TPR: variants seen among roughly 807,000 people sequenced by gnomAD.
The protein encoded by TPR is translocated promoter region, nuclear basket protein.
TPR carries 51 observed loss-of-function variants against 316.1 expected under a neutral mutation model. The ratio of observed to expected loss-of-function variants is 0.16; its 90% CI spans 0.13 to 0.20. The LOEUF (loss-of-function observed/expected upper bound fraction) is 0.20, where lower values mean the gene tolerates loss of function less well. Ranked by LOEUF, TPR falls within the 10% of genes least tolerant of loss-of-function variation. The pLI, the probability that TPR is intolerant of heterozygous loss-of-function variation, is 1.00. For missense variants in TPR, 2,272 were observed against 2,754.8 expected (o/e 0.82, Z 3.92); for synonymous variants, 981 against 914.7 (o/e 1.07, Z -1.31).
intron 39 of TPR, among the ~76,000 whole-genome samples, chr1:186,330,374 T>G (rs936109744): frequency 7.2e-5 from 11 of 152,138 alleles, no homozygotes; most frequent in Admixed American, 7.2e-4. Flanking sequence ...GGCAAGGAAC[T>G]GCAGACACCT....
intron 1 of TPR, among the ~76,000 whole-genome samples, chr1:186,374,187 A>G (rs1659619471): frequency 6.6e-6 from 1 of 152,168 alleles, no homozygotes; most frequent in Admixed American, 6.5e-5. Context: ...GGAAGTTTGT[A>G]TTTTACTAAT....
chr1:186,357,271 C>T (rs925651776), intron 14 of TPR, 126 bp downstream of exon 14: 43 of 883,622 alleles, frequency 4.9e-5, no homozygotes, highest in Admixed American at 1.9e-4. Context: ...TGGTCTCGAC[C>T]TCCTGGGCTC....
intron 49 of TPR, 143 bp from the exon 50 acceptor site, chr1:186,314,867 G>A: frequency 1.9e-6 from 1 of 516,048 alleles, no homozygotes; most frequent in South Asian, 2.9e-5. Flanking sequence ...AAACAATGAG[G>A]AACATTTAAC....
At chr1:186,371,098 G>A (rs1354783995) in intron 2 of TPR, 55 bp from the exon 3 acceptor site, 1 of 1,349,040 alleles carries the variant, frequency 7.4e-7, no homozygotes, top group Non-Finnish European at 1.1e-6. Flanking sequence ...CTTGCAATGA[G>A]TGTTTTTATG....
At chr1:186,347,998 T>C (rs1199876496) in intron 21 of TPR, among the ~76,000 whole-genome samples, 5 of 152,180 alleles carry the variant, frequency 3.3e-5, no homozygotes, top group Non-Finnish European at 7.3e-5. Context: ...TACAAATTGG[T>C]TGTAAAACAT....
At chr1:186,320,276 T>C in intron 46 of TPR, 36 bp downstream of exon 46, 2 of 1,548,256 alleles carry the variant, frequency 1.3e-6, no homozygotes, top group African/African-American at 2.7e-5. Flanking sequence ...ACCAAATACA[T>C]ACAAATTCAG....
intron 50 of TPR, chr1:186,314,266 T>G: frequency 2.2e-6 from 1 of 459,564 alleles, no homozygotes; most frequent in Non-Finnish European, 3.8e-6. Context: ...TTTTACTAGC[T>G]AAAACATAAT....
chr1:186,322,472 T>C lies in TPR; in HGVS notation c.6366+46A>G, dbSNP rs747128116. On this transcript the variant is annotated intron_variant, in intron 44 of 50. Coordinates refer to ENST00000367478, the MANE Select transcript of TPR (RefSeq NM_003292.3). ...ACCACACATATGGACTATATAAATATCTGCTCAAGAAATGAATTACTTTTA... is the reference window on the plus strand; with the variant it reads ...ACCACACATATGGACTATATAAATACCTGCTCAAGAAATGAATTACTTTTA... The C allele has an allele frequency of 3.7e-6, 6 of 1,613,012 alleles. No individual in the cohort carries two copies. The South Asian group carries it at 6.6e-5, about 18-fold the overall frequency.
intron 39 of TPR, 97 bp from the exon 40 acceptor site, chr1:186,327,757 G>T: frequency 9.7e-7 from 1 of 1,029,656 alleles, no homozygotes; most frequent in Non-Finnish European, 1.4e-6. Context: ...AAAGAATAAT[G>T]AGTACTTATG....
chr1:186,336,118 C>T (rs1033636682), intron 33 of TPR, among the ~76,000 whole-genome samples: 7 of 152,018 alleles, frequency 4.6e-5, no homozygotes, highest in East Asian at 1.9e-4. Flanking sequence ...CTCCACCAAA[C>T]GAGGCACAAA....
In TPR at chr1:186,326,107, A is replaced by G. The variant is rs1237165441; in HGVS notation, c.6018T>C (p.Ala2006=). The G allele has an allele frequency of 1.2e-6, 2 of 1,613,654 alleles. No individual in the cohort carries two copies. Among genetic ancestry groups the G allele is most frequent in the East Asian group, 2.2e-5 (1 of 44,872 alleles). ...DGNDGYEADD[A]EGGDGTDPGT... is the part of the protein sequence containing the mutation. ...GGTTAAAATTCTAGCCAGTTACCTC[A>G]GCATCATCAGCTTCATAACCATCAT... Residue 2006 remains alanine (A), a synonymous_variant, in exon 41 of 51, where the codon GCT becomes GCC. Transcript: ENST00000367478.
chr1:186,337,023 T>C lies in TPR; in HGVS notation c.4496A>G (p.Asn1499Ser). 2 of 1,613,820 alleles carry C rather than the reference T, an allele frequency of 1.2e-6. No homozygotes were observed. Among genetic ancestry groups the C allele is most frequent in the Non-Finnish European group, 1.7e-6 (2 of 1,179,762 alleles). The change falls in exon 32 of 51, where the codon AAT becomes AGT. Residue 1499 changes from asparagine to serine, a missense_variant. By Grantham distance (46) the Asn-to-Ser change is conservative (BLOSUM62 1). This residue lies in a region of TPR where 101 missense variants were observed against 113.0 expected (regional missense o/e 0.89). Transcript: ENST00000367478. The stretch of plus-strand genomic sequence containing the variant: ...TTCTCACACTCATACCTTCTGCAGA[T>C]TCTCTACTTGACTTTCAAGTGATTT... Reference protein sequence around the residue: ...KSKSLESQVENLQKTLSEKET... With the variant: ...KSKSLESQVESLQKTLSEKET...
chr1:186,314,120 G>A, intron 50 of TPR, 94 bp from the exon 51 acceptor site: 1 of 1,181,702 alleles, frequency 8.5e-7, no homozygotes, highest in Non-Finnish European at 1.2e-6. Flanking sequence ...AAATATCTAG[G>A]CATTGTGGAT....
intron 40 of TPR, 99 bp from the exon 41 acceptor site, chr1:186,326,334 A>G: frequency 6.6e-7 from 1 of 1,504,944 alleles, no homozygotes; most frequent in East Asian, 2.5e-5. Context: ...TGACTCATTA[A>G]TCAGAAGATA....
intron 30 of TPR, 142 bp downstream of exon 30, chr1:186,339,500 A>G (rs986052220): frequency 9.5e-6 from 5 of 527,258 alleles, no homozygotes; most frequent in Non-Finnish European, 1.5e-5. Context: ...TTGACTCTAC[A>G]AAGTAGATGG....
rs537595439 is a variant in TPR, at chr1:186,331,140, A to G, written c.5688+358T>C. Among the ~76,000 whole-genome samples the G allele has an allele frequency of 3.1e-4, 47 of 152,234 alleles. 1 individual carries two copies. Among genetic ancestry groups the G allele is most frequent in the African/African-American group, 1.1e-3 (47 of 41,558 alleles). ...TTTAATTCTGTAAGGGAAATAATACAGGGGAGTAAGAGAGAACCAGCAAAT... is the reference window on the plus strand; with the variant it reads ...TTTAATTCTGTAAGGGAAATAATACGGGGGAGTAAGAGAGAACCAGCAAAT... On this transcript the variant is annotated intron_variant, in intron 39 of 50. Transcript: ENST00000367478.
At position 186,313,643 on chromosome 1, in the gene TPR, T is replaced by C. The variant is rs1309607780; in HGVS notation, c.*328A>G. 1.6e-6 allele frequency: 2 copies of C among 1,278,162 alleles called. No homozygotes were observed. Among genetic ancestry groups the C allele is most frequent in the Middle Eastern group, 1.8e-4 (1 of 5,418 alleles). The allele number at this position is 1,278,162 out of a possible 1,614,324, so 79.2% of individuals were successfully genotyped here. A position where few individuals can be genotyped will look rare whatever the true frequency, so the allele number is the denominator to read the frequency against. Reference sequence around the variant, plus strand: ...GTTATTTTTTAGTTTGGGCATTGTTTTCTTTTTAACTAAAAAAATGTTTTC... The same window carrying C: ...GTTATTTTTTAGTTTGGGCATTGTTCTCTTTTTAACTAAAAAAATGTTTTC... On this transcript the variant is annotated 3_prime_UTR_variant, in exon 51 of 51. Transcript: ENST00000367478.
chr1:186,311,947 A>G lies in TPR; in HGVS notation c.*2024T>C, dbSNP rs1339429524. ...TGAGCACTTGTCACTTTCAATTGAA[A>G]TTAAATATATAACTATGTAATTTGC... On this transcript the variant is annotated 3_prime_UTR_variant, in exon 51 of 51. Coordinates refer to ENST00000367478, the MANE Select transcript of TPR (RefSeq NM_003292.3). 3.6e-6 allele frequency: 2 copies of G among 549,266 alleles called. No homozygotes were observed. The highest frequency in any genetic ancestry group is 3.8e-5 in the African/African-American group (2 of 53,180). The allele number at this position is 549,266 out of a possible 1,614,324, so 34.0% of individuals were successfully genotyped here.
Position 186,344,520 on chromosome 1 carries a change from G to A in TPR, c.3272C>T (p.Ala1091Val). Residue 1091 changes from alanine to valine, a missense_variant, in exon 25 of 51, where the codon GCT becomes GTT. Physicochemically the swap from Ala to Val is moderately conservative, Grantham distance 64 (BLOSUM62 0). Transcript: ENST00000367478. ...CGCAGCTTGTAGAGCTTCAACATCA[G>A]CAGCATGCAGCATCAATTCTCTCTC... is the stretch of plus-strand genomic sequence containing the variant. ...KYERELMLHAADVEALQAAKE... is the reference protein window; with the variant it reads ...KYERELMLHAVDVEALQAAKE... 2.5e-6 allele frequency: 4 copies of A among 1,611,886 alleles called. No homozygotes were observed. Among genetic ancestry groups the A allele is most frequent in the Non-Finnish European group, 3.4e-6 (4 of 1,179,204 alleles).
Sources: allele counts gnomAD v4.1 joint callset (sites outside exome capture counted in the v4.1 genomes callset), GRCh38; gene constraint gnomAD v4.1.1; regional missense constraint gnomAD v4.1.1; transcripts MANE v1.5; gene names NCBI Gene and HGNC (gene_info 2026-07-23, HGNC 2026-07-21).